Variants in MED13 observed in about 807,000 individuals in gnomAD.
The protein encoded by MED13 is mediator of RNA polymerase II transcription subunit 13.
A neutral mutation model predicts 225.2 loss-of-function variants in MED13; 23 were observed. The observed-to-expected ratio is 0.10, with a 90% CI of 0.07 to 0.14. The LOEUF (loss-of-function observed/expected upper bound fraction) is 0.14. MED13 is among the 10% of genes least tolerant of loss of function. MED13 has a pLI of 1.00. For missense variants in MED13, 2,197 were observed against 2,594.5 expected (o/e 0.85, Z 3.33); for synonymous variants, 942 against 889.2 (o/e 1.06, Z -1.06).
At chr17:62,050,277 G>T (rs891172089) in intron 3 of MED13, among the ~76,000 whole-genome samples, 11 of 151,614 alleles carry the variant, frequency 7.3e-5, no homozygotes, top group African/African-American at 2.7e-4. Flanking sequence ...AGAATCACTT[G>T]AACCTGGGAG....
At chr17:61,978,347 G>C (rs115147448) in intron 16 of MED13, among the ~76,000 whole-genome samples, 1,959 of 152,104 alleles carry the variant, frequency 0.013, 41 homozygotes, top group African/African-American at 0.045. Context: ...CACCTCATGG[G>C]GTCAAGCAAT....
chr17:61,977,990 T>C (rs1450103519), intron 16 of MED13, among the ~76,000 whole-genome samples: 1 of 152,170 alleles, frequency 6.6e-6, no homozygotes, highest in Non-Finnish European at 1.5e-5. Context: ...GTGCTTACTG[T>C]TATTCAAAAA....
intron 14 of MED13, 78 bp from the exon 15 acceptor site, chr17:61,984,445 CT>C: frequency 5.3e-6 from 6 of 1,125,650 alleles, no homozygotes; most frequent in African/African-American, 1.6e-5. Context: ...GGCTCTGGAC[CT>C]TTTTTCCTTT....
chr17:61,998,925 C>CTTTTTTTTTTTTTTTTT (rs10617153), intron 9 of MED13, among the ~76,000 whole-genome samples: 1 of 103,864 alleles, frequency 9.6e-6, no homozygotes, highest in Non-Finnish European at 1.9e-5. Context: ...TTAAATGGTA[C>CTTTTTTTTTTTTTTTTT]TTTTTTTTTT....
At chr17:62,000,758 G>GT (rs1194805159) in intron 9 of MED13, among the ~76,000 whole-genome samples, 1 of 151,910 alleles carries the variant, frequency 6.6e-6, no homozygotes, top group African/African-American at 2.4e-5. Flanking sequence ...CAATAGTTTT[G>GT]TTTTTTGTTG....
At chr17:61,963,900 T>C (rs2080030036) in intron 20 of MED13, among the ~76,000 whole-genome samples, 2 of 152,222 alleles carry the variant, frequency 1.3e-5, no homozygotes, top group Admixed American at 6.5e-5. Context: ...ATAATCATTC[T>C]TGTCACTATA....
chr17:62,016,860 A>G (rs1188832217), intron 8 of MED13, among the ~76,000 whole-genome samples: 1 of 152,016 alleles, frequency 6.6e-6, no homozygotes, highest in South Asian at 2.1e-4. Flanking sequence ...ACTACAAAAA[A>G]TTAGCCGGGT....
intron 2 of MED13, among the ~76,000 whole-genome samples, chr17:62,058,975 T>C (rs2081017159): frequency 6.6e-6 from 1 of 152,132 alleles, no homozygotes; most frequent in South Asian, 2.1e-4. Flanking sequence ...AAATGCTAAG[T>C]GACATAAGAG....
intron 9 of MED13, chr17:62,003,620 A>AAAAAAAAAC: frequency 6.6e-6 from 1 of 151,080 alleles, no homozygotes; most frequent in Non-Finnish European, 1.5e-5. Flanking sequence ...AAAAAAAAAA[A>AAAAAAAAAC]AGCAAAAAGT....
At chr17:62,015,428 C>T (rs1257095508) in intron 8 of MED13, among the ~76,000 whole-genome samples, 1 of 151,952 alleles carries the variant, frequency 6.6e-6, no homozygotes, top group Non-Finnish European at 1.5e-5. Flanking sequence ...GATAAACACC[C>T]AGGCTGTTTA....
chr17:61,942,660 T>G lies in MED13; in HGVS notation c.*3808A>C, dbSNP rs889880054. The G allele has an allele frequency of 6.6e-6, 1 of 152,214 alleles. No individual in the cohort carries two copies. The highest frequency in any genetic ancestry group is 1.5e-5 in the Non-Finnish European group (1 of 67,890). The allele number at this position is 152,214 out of a possible 1,614,324, so 9.4% of individuals were successfully genotyped here. The stretch of plus-strand genomic sequence containing the variant: ...GAAGTTTTGTTTTTTGTTTTTGTTT[T>G]TTTTTTTTTAAAAAGTATAAACCTT... On this transcript the variant is annotated 3_prime_UTR_variant, in exon 30 of 30. Coordinates refer to ENST00000397786, the MANE Select transcript of MED13 (RefSeq NM_005121.3).
chr17:61,970,229 C>A (rs149937666), intron 17 of MED13, among the ~76,000 whole-genome samples: 431 of 152,234 alleles, frequency 2.8e-3, no homozygotes, highest in Non-Finnish European at 4.7e-3. Context: ...CAAGAAGTAG[C>A]AGAGTAGGAA....
chr17:62,009,336 T>C (rs562325484), intron 9 of MED13, among the ~76,000 whole-genome samples: 1 of 152,058 alleles, frequency 6.6e-6, no homozygotes, highest in Non-Finnish European at 1.5e-5. Context: ...AAGAAACCTA[T>C]AGCACATAAA....
intron 20 of MED13, 84 bp downstream of exon 20, chr17:61,964,922 T>C: frequency 5.3e-6 from 7 of 1,312,926 alleles, no homozygotes; most frequent in Non-Finnish European, 7.3e-6. Flanking sequence ...CGCAAAAGAG[T>C]GAGACTGTGT....
intron 15 of MED13, 93 bp from the exon 16 acceptor site, chr17:61,983,207 C>CA: frequency 9.9e-7 from 1 of 1,010,554 alleles, no homozygotes; most frequent in Non-Finnish European, 1.4e-6. Flanking sequence ...AAATGTTTTT[C>CA]AATTACATAG....
chr17:61,983,226 G>A (rs2080220260), intron 15 of MED13, 112 bp from the exon 16 acceptor site: 2 of 858,774 alleles, frequency 2.3e-6, no homozygotes, highest in Non-Finnish European at 3.4e-6. Flanking sequence ...AGAAAATTAT[G>A]AAAGGACAAG....
Position 62,030,055 on chromosome 17 carries a change from T to C in MED13, c.1010-42A>G, listed in dbSNP as rs745862614. 3 of 1,429,666 alleles carry C rather than the reference T, an allele frequency of 2.1e-6. No individual in the cohort carries two copies. In the East Asian group the frequency reaches 7.4e-5, roughly 35 times the overall value. The allele number at this position is 1,429,666 out of a possible 1,614,324, so 88.6% of individuals were successfully genotyped here. A position where few individuals can be genotyped will look rare whatever the true frequency, so the allele number is the denominator to read the frequency against. ...AAAACAGGCTGTAGGAGAATAAAGG[T>C]AGGTTTAAAGTAACATTATTTGGGT... On this transcript the variant is annotated intron_variant, in intron 6 of 29. Coordinates refer to ENST00000397786, the MANE Select transcript of MED13 (RefSeq NM_005121.3).
intron 2 of MED13, among the ~76,000 whole-genome samples, chr17:62,060,342 A>C (rs2081028688): frequency 6.6e-6 from 1 of 151,800 alleles, no homozygotes; most frequent in East Asian, 2.0e-4. Flanking sequence ...GTCTGACAGC[A>C]GTTAAAACCC....
intron 26 of MED13, 111 bp from the exon 27 acceptor site, chr17:61,953,224 C>T: frequency 9.3e-7 from 1 of 1,072,140 alleles, no homozygotes; most frequent in Non-Finnish European, 1.3e-6. Context: ...TTAATTTAAC[C>T]AACATTTACT....
Sources: allele counts gnomAD v4.1 joint callset (sites outside exome capture counted in the v4.1 genomes callset), GRCh38; gene constraint gnomAD v4.1.1; transcripts MANE v1.5; gene names NCBI Gene and HGNC (gene_info 2026-07-23, HGNC 2026-07-21).